DOCK5: variants seen among roughly 807,000 people sequenced by gnomAD.
The protein encoded by DOCK5 is dedicator of cytokinesis 5.
A neutral mutation model predicts 251.8 loss-of-function variants in DOCK5; 142 were observed. That is an observed-to-expected ratio of 0.56 (90% CI 0.49 to 0.65). The LOEUF is 0.65. Among genes scored for constraint, DOCK5 ranks in the 30% least tolerant of loss-of-function variants. The pLI is 0.00. For synonymous variants in DOCK5, 842 were observed against 835.5 expected (o/e 1.01, Z -0.13); for missense variants, 2,111 against 2,312.3 (o/e 0.91, Z 1.79).
At chr8:25,312,761 CAAAA>C in intron 13 of DOCK5, among the ~76,000 whole-genome samples, 1 of 113,912 alleles carries the variant, frequency 8.8e-6, no homozygotes, top group Admixed American at 1.0e-4. Context: ...GACTCCGTCT[CAAAA>C]AAAAAAAAAA....
chr8:25,288,755 T>C (rs1804408499), intron 5 of DOCK5, among the ~76,000 whole-genome samples: 1 of 152,218 alleles, frequency 6.6e-6, no homozygotes, highest in Non-Finnish European at 1.5e-5. Context: ...CTTTTTCCAA[T>C]TTTGAAGAAA....
At chr8:25,350,093 A>G (rs1323989880) in intron 26 of DOCK5, among the ~76,000 whole-genome samples, 1 of 152,176 alleles carries the variant, frequency 6.6e-6, no homozygotes, top group Non-Finnish European at 1.5e-5. Flanking sequence ...AGTTCTGGGA[A>G]TCTAATGTAT....
chr8:25,352,065 CT>C (rs1800479302), intron 27 of DOCK5, among the ~76,000 whole-genome samples: 1 of 151,558 alleles, frequency 6.6e-6, no homozygotes, highest in Non-Finnish European at 1.5e-5. Context: ...AAAAAATTAG[CT>C]GGGTGTGGTG....
chr8:25,285,867 C>A (rs1321574172), intron 5 of DOCK5, among the ~76,000 whole-genome samples: 1 of 152,128 alleles, frequency 6.6e-6, no homozygotes, highest in East Asian at 1.9e-4. Flanking sequence ...GTGGCTCTAA[C>A]AAGAGAGCCA....
chr8:25,354,517 C>T lies in DOCK5; in HGVS notation c.2850+2691C>T, dbSNP rs562255072. Among the ~76,000 whole-genome samples, 382 of 152,256 alleles carry T rather than the reference C, an allele frequency of 2.5e-3. 1 individual carries two copies. Among genetic ancestry groups the T allele is most frequent in the African/African-American group, 8.5e-3 (353 of 41,556 alleles). On this transcript the variant is annotated intron_variant, in intron 27 of 51. Coordinates refer to ENST00000276440, the MANE Select transcript of DOCK5 (RefSeq NM_024940.8). ...GGAAGGGCAGGACTGGATGTAAAGG[C>T]AGCAGTACTCCCGCCGTGCTTCCGC...
rs1395323949 is a variant in DOCK5, at chr8:25,325,487, A to C, written c.1843A>C (p.Ser615Arg). ...NLVTFTPSKD[S>R]TKDSFQIATL... ...GGTCACCTTCACCCCAAGCAAGGAT[A>C]GCACTAAAGACAGCTTTCAGATTGC... is the stretch of plus-strand genomic sequence containing the variant. The change falls in exon 18 of 52, where the codon AGC becomes CGC. Residue 615 changes from serine (S) to arginine (R), a missense_variant. Around this residue, in one of 3 missense-constraint regions of DOCK5, gnomAD observed 1,717 missense variants for 1,892.4 expected, o/e 0.91. Coordinates refer to ENST00000276440, the MANE Select transcript of DOCK5 (RefSeq NM_024940.8). 6.2e-7 allele frequency: 1 copy of C among 1,613,888 alleles called. No homozygotes were observed.
At chr8:25,359,171 G>A (rs193116168) in intron 28 of DOCK5, 110 bp downstream of exon 28, 441 of 848,384 alleles carry the variant, frequency 5.2e-4, no homozygotes, top group Non-Finnish European at 8.0e-4. Context: ...ACGCACCTCC[G>A]GTGCTATGTG....
At chr8:25,315,579 C>T (rs924277964) in intron 13 of DOCK5, among the ~76,000 whole-genome samples, 3 of 152,224 alleles carry the variant, frequency 2.0e-5, no homozygotes, top group African/African-American at 7.2e-5. Flanking sequence ...ATAATTTATT[C>T]AACTAATTCC....
At position 25,325,371 on chromosome 8, in the gene DOCK5, A is replaced by G. The variant is rs752977402; in HGVS notation, c.1727A>G (p.Asn576Ser). The G allele has an allele frequency of 7.4e-6, 12 of 1,613,586 alleles. No individual in the cohort carries two copies. In the South Asian group the frequency reaches 1.2e-4, roughly 16 times the overall value. ...RHDLVVYKGD[N>S]KKMEDAKFYL... ...TAACATGCTTCCTTTTAGGGTGACA[A>G]CAAAAAAATGGAAGATGCTAAATTC... Residue 576 changes from asparagine (N) to serine (S), a missense_variant, in exon 18 of 52, where the codon AAC (asparagine) becomes AGC (serine). Asn to Ser is a conservative substitution (Grantham distance 46, BLOSUM62 1). Coordinates refer to ENST00000276440, the MANE Select transcript of DOCK5 (RefSeq NM_024940.8).
intron 34 of DOCK5, among the ~76,000 whole-genome samples, 197 bp downstream of exon 34, chr8:25,369,838 G>T (rs1163780565): frequency 7.9e-5 from 12 of 152,258 alleles, no homozygotes; most frequent in African/African-American, 2.9e-4. Context: ...TCAAATGCTG[G>T]TATTTTCCTG....
At chr8:25,197,233 T>G (rs1801752052) in intron 1 of DOCK5, among the ~76,000 whole-genome samples, 1 of 152,200 alleles carries the variant, frequency 6.6e-6, no homozygotes, top group Admixed American at 6.5e-5. Context: ...AAAGTGTTTT[T>G]TGAGAAATTA....
At chr8:25,270,793 A>T (rs750681538) in intron 3 of DOCK5, 1 of 713,388 alleles carries the variant, frequency 1.4e-6, no homozygotes, top group Admixed American at 2.0e-5. Flanking sequence ...TCCACAGGCA[A>T]TTGGTTCCAG....
chr8:25,271,813 C>T (rs1803919035), intron 3 of DOCK5, among the ~76,000 whole-genome samples: 1 of 152,048 alleles, frequency 6.6e-6, no homozygotes, highest in Non-Finnish European at 1.5e-5. Context: ...AAACACATGA[C>T]CTAGGTTTAC....
At chr8:25,388,110 G>A (rs1801197106) in intron 40 of DOCK5, among the ~76,000 whole-genome samples, 1 of 152,154 alleles carries the variant, frequency 6.6e-6, no homozygotes, top group East Asian at 1.9e-4. Context: ...TTGCCCTCAC[G>A]GTACTTACAC....
intron 13 of DOCK5, among the ~76,000 whole-genome samples, chr8:25,316,757 T>C (rs1014415733): frequency 3.3e-5 from 5 of 152,174 alleles, no homozygotes; most frequent in African/African-American, 1.2e-4. Flanking sequence ...TAGATAGAAA[T>C]TTTTAATAGA....
intron 5 of DOCK5, among the ~76,000 whole-genome samples, chr8:25,287,555 T>G (rs1804371492): frequency 6.6e-6 from 1 of 152,202 alleles, no homozygotes; most frequent in South Asian, 2.1e-4. Flanking sequence ...GAAAAAAATT[T>G]AGATTGTTTT....
At chr8:25,301,952 T>C (rs1804776709) in intron 9 of DOCK5, among the ~76,000 whole-genome samples, 1 of 152,224 alleles carries the variant, frequency 6.6e-6, no homozygotes, top group Non-Finnish European at 1.5e-5. Context: ...AAGTTTTTAC[T>C]TCATTTGATG....
At chr8:25,408,650 C>T (rs17053627) in intron 49 of DOCK5, among the ~76,000 whole-genome samples, 152 bp from the exon 50 acceptor site, 2,979 of 152,224 alleles carry the variant, frequency 0.02, 109 homozygotes, top group African/African-American at 0.067. Flanking sequence ...AGTGCCTGTT[C>T]GGTGTTGCCC....
chr8:25,260,293 A>G (rs1803541757), intron 2 of DOCK5, among the ~76,000 whole-genome samples: 1 of 152,176 alleles, frequency 6.6e-6, no homozygotes, highest in East Asian at 1.9e-4. Context: ...ATACCAGACC[A>G]GCAACACTTA....
Sources: allele counts gnomAD v4.1 joint callset (sites outside exome capture counted in the v4.1 genomes callset), GRCh38; gene constraint gnomAD v4.1.1; regional missense constraint gnomAD v4.1.1; transcripts MANE v1.5; gene names NCBI Gene and HGNC (gene_info 2026-07-23, HGNC 2026-07-21).